TCEANC2: variants seen among roughly 807,000 people sequenced by gnomAD.
TCEANC2 encodes transcription elongation factor A N-terminal and central domain containing 2.
TCEANC2 carries 20 observed loss-of-function variants against 22.8 expected under a neutral mutation model. The ratio of observed to expected loss-of-function variants is 0.88; its 90% CI spans 0.62 to 1.28. TCEANC2 has a LOEUF of 1.28. Ranked by LOEUF, TCEANC2 falls within the 50% of genes most tolerant of loss-of-function variation. TCEANC2 has a pLI of 0.00. For missense variants in TCEANC2, 251 were observed against 249.7 expected (o/e 1.01, Z -0.03); for synonymous variants, 84 against 95.5 (o/e 0.88, Z 0.70).
At chr1:54,092,508 A>G (rs1658465469) in intron 4 of TCEANC2, among the ~76,000 whole-genome samples, 1 of 152,238 alleles carries the variant, frequency 6.6e-6, no homozygotes, top group African/African-American at 2.4e-5. Context: ...ATTAGAAGGC[A>G]AGAAAGAAGG....
Position 54,104,973 on chromosome 1 carries a change from G to A in TCEANC2, c.*8500G>A. ...GCCTCCGTGGAAGTGACGGAGACCG[G>A]AACACGTGCTGGCTGAGGGTAAGGA... On this transcript the variant is annotated 3_prime_UTR_variant, in exon 5 of 5. Transcript: ENST00000234827. The A allele has an allele frequency of 5.3e-6, 1 of 188,220 alleles. No homozygotes were observed. Among genetic ancestry groups the A allele is most frequent in the Non-Finnish European group, 1.2e-5 (1 of 86,948 alleles). The allele number at this position is 188,220 out of a possible 1,614,324, so 11.7% of individuals were successfully genotyped here.
chr1:54,088,618 G>A lies in TCEANC2; in HGVS notation c.266G>A (p.Arg89His), dbSNP rs76384967. 802 of 1,603,068 alleles carry A rather than the reference G, an allele frequency of 5.0e-4. 6 individuals carry two copies. The East Asian group carries it at 0.015, about 30-fold the overall frequency. ...CCAGGTCACACTGTGAACAAGATGC[G>A]TAAACACTCAGATTCAGAAGTGGCT... ...TRIGHTVNKM[R>H]KHSDSEVASL... The change falls in exon 4 of 5, where the codon CGT becomes CAT. Residue 89 changes from arginine (R) to histidine (H), a missense_variant. Physicochemically the swap from Arg to His is conservative, Grantham distance 29 (BLOSUM62 0). Transcript: ENST00000234827.
At position 54,103,384 on chromosome 1, in the gene TCEANC2, A is replaced by G. The variant is rs1261878329; in HGVS notation, c.*6911A>G. 1 of 152,572 alleles carries G rather than the reference A, an allele frequency of 6.6e-6. No homozygotes were observed. The highest frequency in any genetic ancestry group is 1.5e-5 in the Non-Finnish European group (1 of 68,360). 9.5% of individuals were successfully genotyped at this position (152,572 alleles called of 1,614,324 possible). ...GCAAGGGGAAGCAGGCATCTTCTTC[A>G]CAAGACAGCAGGGGAGAGAGAGAGT... is the stretch of plus-strand genomic sequence containing the variant. On this transcript the variant is annotated 3_prime_UTR_variant, in exon 5 of 5. Coordinates refer to ENST00000234827, the MANE Select transcript of TCEANC2 (RefSeq NM_153035.3).
Position 54,088,805 on chromosome 1 carries a change from A to G in TCEANC2, c.438+15A>G, listed in dbSNP as rs756845538. On this transcript the variant is annotated intron_variant, in intron 4 of 4. Coordinates refer to ENST00000234827, the MANE Select transcript of TCEANC2 (RefSeq NM_153035.3). The stretch of plus-strand genomic sequence containing the variant: ...TGGAATTAAAGGTAATGCCCTAAAT[A>G]TATACAACTGTTATGTACCCATAAT... 6 of 1,542,898 alleles carry G rather than the reference A, an allele frequency of 3.9e-6. No homozygotes were observed. The highest frequency in any genetic ancestry group is 4.6e-5 in the East Asian group (2 of 43,510).
At chr1:54,071,545 C>T (rs960659709) in intron 3 of TCEANC2, among the ~76,000 whole-genome samples, 2 of 152,144 alleles carry the variant, frequency 1.3e-5, no homozygotes, top group Admixed American at 1.3e-4. Context: ...AGAGAACAAC[C>T]AAGATGGAAG....
Position 54,054,505 on chromosome 1 carries a change from C to T in TCEANC2, c.83C>T (p.Ala28Val). 1 of 1,613,118 alleles carries T rather than the reference C, an allele frequency of 6.2e-7. No homozygotes were observed. The highest frequency in any genetic ancestry group is 8.5e-7 in the Non-Finnish European group (1 of 1,179,578). ...TCTGGAGGAAAGGTTTACAAGCAGG[C>T]CACGATTGAATCTCTGAAGGTGAGA... The part of the protein sequence containing the change: ...KDSGGKVYKQ[A>V]TIESLKRVVV... The change falls in exon 2 of 5, where the codon GCC becomes GTC. Residue 28 changes from alanine (A) to valine (V), a missense_variant. By Grantham distance (64) the Ala-to-Val change is moderately conservative (BLOSUM62 0). Coordinates refer to ENST00000234827, the MANE Select transcript of TCEANC2 (RefSeq NM_153035.3).
intron 3 of TCEANC2, among the ~76,000 whole-genome samples, chr1:54,073,063 T>TCAAGGGATCCTCCTGCCTC (rs1658087505): frequency 6.6e-6 from 1 of 152,108 alleles, no homozygotes; most frequent in African/African-American, 2.4e-5. Flanking sequence ...ACTCCTGGGT[T>TCAAGGGATCCTCCTGCCTC]CAAGGGATCC....
rs1658695153 is a variant in TCEANC2 at position 54,103,459 on chromosome 1, G to A, written c.*6986G>A. On this transcript the variant is annotated 3_prime_UTR_variant, in exon 5 of 5. Transcript: ENST00000234827. The stretch of plus-strand genomic sequence containing the variant: ...TTGAAACCATCGGATCTCTTGAGAA[G>A]TCACTCACTATCATGACAACAGCAT... 7 of 152,308 alleles carry A rather than the reference G, an allele frequency of 4.6e-5. No homozygotes were observed. The South Asian group carries it at 1.5e-3, about 32-fold the overall frequency. The allele number at this position is 152,308 out of a possible 1,614,324, so 9.4% of individuals were successfully genotyped here.
downstream of TCEANC2, among the ~76,000 whole-genome samples, chr1:54,108,189 G>A (rs979764523): frequency 1.3e-5 from 2 of 152,108 alleles, no homozygotes; most frequent in African/African-American, 4.8e-5. Flanking sequence ...TTTCTCCAGC[G>A]GCTGAAGGCT....
At chr1:54,056,428 C>A (rs1657753581) in intron 2 of TCEANC2, among the ~76,000 whole-genome samples, 1 of 151,908 alleles carries the variant, frequency 6.6e-6, no homozygotes, top group African/African-American at 2.4e-5. Context: ...CTGGTTCATG[C>A]GAGTCTCCTG....
chr1:54,054,277 A>G, intron 1 of TCEANC2, 104 bp from the exon 2 acceptor site: 2 of 1,459,158 alleles, frequency 1.4e-6, no homozygotes, highest in Non-Finnish European at 1.8e-6. Flanking sequence ...TCGAGGCCCC[A>G]TAATTCATGA....
rs189038707 is a variant in TCEANC2 at position 54,085,472 on chromosome 1, C to A, written c.245-3125C>A. On this transcript the variant is annotated intron_variant, in intron 3 of 4. Coordinates refer to ENST00000234827, the MANE Select transcript of TCEANC2 (RefSeq NM_153035.3). ...ATTCTTATGTACTATGGTCTGTTTG[C>A]GACCTTCATTTTTTAAAATTCCCTA... Among the ~76,000 whole-genome samples, 3 of 152,150 alleles carry A rather than the reference C, an allele frequency of 2.0e-5. No individual in the cohort carries two copies. The East Asian group carries it at 5.8e-4, about 29-fold the overall frequency.
intron 2 of TCEANC2, among the ~76,000 whole-genome samples, chr1:54,067,755 A>G (rs1324855922): frequency 6.6e-6 from 1 of 152,212 alleles, no homozygotes; most frequent in Non-Finnish European, 1.5e-5. Flanking sequence ...TCAAACTATC[A>G]TATAGAAAAT....
chr1:54,090,635 A>T (rs993456920), intron 4 of TCEANC2, among the ~76,000 whole-genome samples: 1 of 152,190 alleles, frequency 6.6e-6, no homozygotes, highest in Non-Finnish European at 1.5e-5. Flanking sequence ...AGGTTCACTT[A>T]ACTTTTCCTA....
At chr1:54,083,311 G>A (rs922488699) in intron 3 of TCEANC2, among the ~76,000 whole-genome samples, 1 of 152,310 alleles carries the variant, frequency 6.6e-6, no homozygotes, top group African/African-American at 2.4e-5. Context: ...GATTACTCAG[G>A]GAAGGCAAGT....
chr1:54,057,049 A>G (rs1285847128), intron 2 of TCEANC2, among the ~76,000 whole-genome samples: 5 of 151,784 alleles, frequency 3.3e-5, no homozygotes, highest in African/African-American at 9.7e-5. Context: ...TTAAAAAAAA[A>G]AAAAGAATAA....
chr1:54,067,097 G>T (rs944304967), intron 2 of TCEANC2, among the ~76,000 whole-genome samples: 8 of 152,226 alleles, frequency 5.3e-5, no homozygotes, highest in African/African-American at 1.9e-4. Flanking sequence ...TCCTGGGGTT[G>T]GTGGACAGAG....
intron 2 of TCEANC2, among the ~76,000 whole-genome samples, chr1:54,060,127 G>A (rs1336393323): frequency 1.3e-5 from 2 of 152,054 alleles, no homozygotes; most frequent in African/African-American, 4.8e-5. Flanking sequence ...AAAATTAGCA[G>A]CCAGGCGCAG....
rs1658541102 is a variant in TCEANC2, at chr1:54,096,064, C to A, written c.439-221C>A. Among the ~76,000 whole-genome samples, 1 of 152,204 alleles carries A rather than the reference C, an allele frequency of 6.6e-6. No individual in the cohort carries two copies. The highest frequency in any genetic ancestry group is 1.5e-5 in the Non-Finnish European group (1 of 68,044). On this transcript the variant is annotated intron_variant, in intron 4 of 4. Coordinates refer to ENST00000234827, the MANE Select transcript of TCEANC2 (RefSeq NM_153035.3). This position sits in a 1 kb window ranked among gnomAD's most constrained non-coding sequence, Gnocchi z 4.9. ...AGTTTCCTGTTATATTACCACCCGG[C>A]AGGGGTTGTGAATGAGGTCCCTGTC...
Sources: allele counts gnomAD v4.1 joint callset (sites outside exome capture counted in the v4.1 genomes callset), GRCh38; gene constraint gnomAD v4.1.1; non-coding constraint Gnocchi (gnomAD v3.1); transcripts MANE v1.5; gene names NCBI Gene and HGNC (gene_info 2026-07-23, HGNC 2026-07-21).